The following OPRM1 variants were observed in gnomAD, a reference collection of about 807,000 sequenced individuals.
OPRM1 encodes the protein mu-type opioid receptor.
OPRM1 carries 27 observed loss-of-function variants against 31.8 expected under a neutral mutation model. The observed-to-expected ratio is 0.85, with a 90% confidence interval of 0.63 to 1.17. The LOEUF is 1.17. OPRM1 is among the 50% of genes most tolerant of loss of function. The probability of loss-of-function intolerance (pLI) is 0.00; values close to 1 mark genes in which losing one functional copy is unlikely to be tolerated. For missense variants in OPRM1, 536 were observed against 511.1 expected, an observed-to-expected ratio of 1.05 and a Z score of -0.47; for synonymous variants, 196 against 189.9, an observed-to-expected ratio of 1.03 and a Z score of -0.26.
intron 3 of OPRM1, among the ~76,000 whole-genome samples, chr6:154,186,746 G>C (rs924814770): frequency 6.6e-6 from 1 of 151,822 alleles, no homozygotes; most frequent in Non-Finnish European, 1.5e-5. Context: ...TTAGTAGAGA[G>C]GGGGTTTCAC....
intron 3 of OPRM1, among the ~76,000 whole-genome samples, chr6:154,236,956 C>T (rs1251568218): frequency 6.6e-6 from 1 of 152,202 alleles, no homozygotes; most frequent in Non-Finnish European, 1.5e-5. Flanking sequence ...TCCCTAAATT[C>T]TGACTCCTTA....
intron 3 of OPRM1, among the ~76,000 whole-genome samples, chr6:154,141,043 G>A (rs1468673507): frequency 3.3e-5 from 5 of 152,158 alleles, no homozygotes; most frequent in Admixed American, 2.0e-4. Context: ...ACTCCTTGGT[G>A]GTCTCATGGT....
At chr6:154,108,516 A>G (rs1795949022) in intron 3 of OPRM1, 1 of 152,782 alleles carries the variant, frequency 6.5e-6, no homozygotes, top group African/African-American at 2.4e-5. Flanking sequence ...CAATCCTATT[A>G]GCTCTCAAGT....
At position 154,039,356 on chromosome 6, in the gene OPRM1, A is replaced by G; in HGVS notation, c.-189A>G. On this transcript the variant is annotated 5_prime_UTR_variant, in exon 1 of 4. Transcript: ENST00000330432. ...GGTGGGAGGGGGCTATACGCAGAGG[A>G]GAATGTCAGATGCTCAGCTCGGTCC... 1 of 1,545,520 alleles carries G rather than the reference A, an allele frequency of 6.5e-7. No individual in the cohort carries two copies. Among genetic ancestry groups the G allele is most frequent in the Non-Finnish European group, 8.7e-7 (1 of 1,143,282 alleles).
At chr6:154,072,265 A>T (rs185316172) in intron 1 of OPRM1, among the ~76,000 whole-genome samples, 2 of 152,334 alleles carry the variant, frequency 1.3e-5, no homozygotes, top group East Asian at 3.9e-4. Context: ...AGAATGCATC[A>T]TGTTGCTCAG....
chr6:154,058,440 C>T (rs896568802), intron 1 of OPRM1, among the ~76,000 whole-genome samples: 2 of 152,140 alleles, frequency 1.3e-5, no homozygotes, highest in Admixed American at 6.5e-5. Flanking sequence ...GTCAAAGAAG[C>T]CCTTTGAAAA....
At position 154,091,646 on chromosome 6, in the gene OPRM1, T is replaced by C; in HGVS notation, c.1164+174T>C. 4.2e-6 allele frequency: 6 copies of C among 1,413,848 alleles called. No individual in the cohort carries two copies. In the South Asian group the frequency reaches 8.2e-5, roughly 19 times the overall value. The allele number at this position is 1,413,848 out of a possible 1,614,324, so 87.6% of individuals were successfully genotyped here. On this transcript the variant is annotated intron_variant, in intron 3 of 3. Coordinates refer to ENST00000330432, the MANE Select transcript of OPRM1 (RefSeq NM_000914.5). ...TTTGTTATATAAACTGTGTTCTTTA[T>C]ATTTGACTGTACATATTCATTTAGG...
In OPRM1 at chr6:154,223,985, C is replaced by T. The variant is rs183568377; in HGVS notation, c.1165-22708C>T. On this transcript the variant is annotated intron_variant, in intron 3 of 3. Transcript: ENST00000337049. ...CATGTATAGGAAATATAATCACTGT[C>T]CCACCTCTCTAAGAATTTGTTAATC... 1.5e-3 allele frequency among the ~76,000 whole-genome samples: 232 copies of T among 152,292 alleles called. 1 individual carries two copies. Among genetic ancestry groups the T allele is most frequent in the South Asian group, 5.0e-3 (24 of 4,822 alleles).
rs41292898 is a variant in OPRM1 at position 154,160,250 on chromosome 6, G to C, written c.1164+68778G>C. On this transcript the variant is annotated intron_variant, in intron 3 of 3. Transcript: ENST00000337049. ...CAAAGAAGTGAAGTATCCTACCCAA[G>C]AGTTAGTGGAAGAGCTAGACATATA... Among the ~76,000 whole-genome samples the C allele has an allele frequency of 2.1e-3, 321 of 152,302 alleles. 1 individual carries two copies. Among genetic ancestry groups the C allele is most frequent in the Non-Finnish European group, 2.7e-3 (183 of 68,022 alleles).
chr6:154,219,600 G>A (rs1241954461), intron 3 of OPRM1, among the ~76,000 whole-genome samples: 6 of 152,000 alleles, frequency 3.9e-5, no homozygotes, highest in African/African-American at 1.4e-4. Context: ...ACACAGCAAG[G>A]GCTTTGCTAA....
At chr6:154,098,111 TG>T (rs1280849405) in intron 3 of OPRM1, among the ~76,000 whole-genome samples, 3 of 152,216 alleles carry the variant, frequency 2.0e-5, no homozygotes, top group Non-Finnish European at 4.4e-5. Context: ...TTTTAATTAG[TG>T]GCTAACTATT....
intron 3 of OPRM1, among the ~76,000 whole-genome samples, chr6:154,099,921 T>TA (rs1794284472): frequency 1.4e-5 from 2 of 140,162 alleles, no homozygotes; most frequent in East Asian, 2.0e-4. Flanking sequence ...TATCATAACA[T>TA]GTATTATCAT....
intron 2 of OPRM1, among the ~76,000 whole-genome samples, chr6:154,090,433 G>A (rs1791837224): frequency 6.6e-6 from 1 of 152,172 alleles, no homozygotes; most frequent in Non-Finnish European, 1.5e-5. Flanking sequence ...TAAAAATGGT[G>A]TGTAAATTAG....
chr6:154,118,943 G>A lies in OPRM1; in HGVS notation c.*222G>A, dbSNP rs1583619560. 2 of 1,287,306 alleles carry A rather than the reference G, an allele frequency of 1.6e-6. No homozygotes were observed. The highest frequency in any genetic ancestry group is 2.0e-6 in the Non-Finnish European group (2 of 1,017,778). 79.7% of individuals were successfully genotyped at this position (1,287,306 alleles called of 1,614,324 possible). A position where few individuals can be genotyped will look rare whatever the true frequency, so the allele number is the denominator to read the frequency against. On this transcript the variant is annotated 3_prime_UTR_variant, in exon 4 of 4. Transcript: ENST00000330432. ...GGAAAGGAATATACCACACCGAGGAGTCCAGTTTGTGCAAGACACCCAGTG... is the reference window on the plus strand; with the variant it reads ...GGAAAGGAATATACCACACCGAGGAATCCAGTTTGTGCAAGACACCCAGTG...
intron 3 of OPRM1, among the ~76,000 whole-genome samples, chr6:154,144,935 A>G (rs113532004): frequency 0.023 from 3,575 of 152,142 alleles, 155 homozygotes; most frequent in African/African-American, 0.082. Context: ...ACATCCATTC[A>G]TGATGAAAAC....
intron 1 of OPRM1, among the ~76,000 whole-genome samples, chr6:154,062,010 G>A (rs1334854383): frequency 6.6e-6 from 1 of 152,106 alleles, no homozygotes; most frequent in Non-Finnish European, 1.5e-5. Flanking sequence ...GCTAGGAAAA[G>A]TGTGAAATGT....
chr6:154,214,358 AT>A, intron 3 of OPRM1: 1 of 960,038 alleles, frequency 1.0e-6, no homozygotes, highest in Non-Finnish European at 1.7e-6. Flanking sequence ...TTGTTATGAA[AT>A]TAGGTCATGA....
chr6:154,169,851 TCA>T (rs1799735167), intron 3 of OPRM1, among the ~76,000 whole-genome samples: 2 of 152,216 alleles, frequency 1.3e-5, no homozygotes, highest in Admixed American at 1.3e-4. Context: ...CCAAGGAGAC[TCA>T]GTTCCAAGAC....
rs1779545832 is a variant in OPRM1, at chr6:154,039,376, C to T, written c.-169C>T. 2 of 1,544,890 alleles carry T rather than the reference C, an allele frequency of 1.3e-6. No homozygotes were observed. The highest frequency in any genetic ancestry group is 2.4e-5 in the South Asian group (2 of 83,122). On this transcript the variant is annotated 5_prime_UTR_variant, in exon 1 of 4. Transcript: ENST00000330432. ...AGAGGAGAATGTCAGATGCTCAGCT[C>T]GGTCCCCTCCGCCTGACGCTCCTCT...
Sources: allele counts gnomAD v4.1 joint callset (sites outside exome capture counted in the v4.1 genomes callset), GRCh38; gene constraint gnomAD v4.1.1; transcripts MANE v1.5; gene names NCBI Gene and HGNC (gene_info 2026-07-23, HGNC 2026-07-21).